SRPK2: variants seen among roughly 807,000 people sequenced by gnomAD.
The protein encoded by SRPK2 is SFRS protein kinase 2.
SRPK2 carries 21 observed loss-of-function variants against 90.8 expected under a neutral mutation model. That is an observed-to-expected ratio of 0.23 (90% CI 0.16 to 0.33). The LOEUF is 0.33. Among genes scored for constraint, SRPK2 ranks in the 10% least tolerant of loss-of-function variants. SRPK2 has a pLI of 1.00. For synonymous variants in SRPK2, 288 were observed against 311.1 expected (o/e 0.93, Z 0.78); for missense variants, 620 against 869.0 (o/e 0.71, Z 3.60).
chr7:105,170,931 AAAG>A (rs59546851), intron 3 of SRPK2, among the ~76,000 whole-genome samples: 933 of 48,538 alleles, frequency 0.019, 37 homozygotes, highest in Middle Eastern at 0.028. Context: ...AGAAAAAGAA[AAAG>A]GAAAGAAAGA....
At chr7:105,141,909 CAG>C in intron 11 of SRPK2, 97 bp downstream of exon 11, 2 of 1,377,880 alleles carry the variant, frequency 1.5e-6, no homozygotes, top group Non-Finnish European at 2.0e-6. Flanking sequence ...TACACACACA[CAG>C]GGCTTGGCCA....
chr7:105,298,674 A>G, intron 2 of SRPK2: 1 of 957,696 alleles, frequency 1.0e-6, no homozygotes, highest in Non-Finnish European at 1.2e-6. Flanking sequence ...AGCATGGCTC[A>G]GATTATACTG....
intron 2 of SRPK2, among the ~76,000 whole-genome samples, chr7:105,323,967 T>TGTGTGTGTGTG (rs1813232169): frequency 2.9e-4 from 39 of 133,896 alleles, no homozygotes; most frequent in African/African-American, 1.0e-3. Flanking sequence ...AGACTATTCT[T>TGTGTGTGTGTG]TGTGTGTGTG....
chr7:105,170,934 GGAAAGAAA>G lies in SRPK2; in HGVS notation c.230-1677_230-1670del, dbSNP rs1554435876. ...AAGAAAGGAGAAAGAAAAAGAAAAA[GGAAAGAAA>G]GAAAGAAAGAAAGAAAGAAAGAAAG... On this transcript the variant is annotated intron_variant, in intron 3 of 15. Transcript: ENST00000393651. Among the ~76,000 whole-genome samples, 68 of 29,152 alleles carry G rather than the reference GGAAAGAAA, an allele frequency of 2.3e-3. 3 individuals carry two copies. Among genetic ancestry groups the G allele is most frequent in the Admixed American group, 4.7e-3 (11 of 2,326 alleles). The allele number at this position is 29,152 out of a possible 152,430, so 19.1% of individuals were successfully genotyped here.
intron 2 of SRPK2, among the ~76,000 whole-genome samples, chr7:105,234,221 T>A (rs1420289580): frequency 6.6e-6 from 1 of 152,198 alleles, no homozygotes; most frequent in African/African-American, 2.4e-5. Context: ...ATACTAGTAG[T>A]TGCCACTGGA....
At chr7:105,371,931 G>A (rs749124780) in intron 2 of SRPK2, among the ~76,000 whole-genome samples, 7 of 151,946 alleles carry the variant, frequency 4.6e-5, no homozygotes, top group Admixed American at 3.9e-4. Context: ...TCAGGAGATC[G>A]AGACCATTCT....
At chr7:105,313,642 T>C (rs777306090) in intron 2 of SRPK2, among the ~76,000 whole-genome samples, 7 of 151,674 alleles carry the variant, frequency 4.6e-5, no homozygotes, top group Non-Finnish European at 1.0e-4. Flanking sequence ...TCCCAGCTAC[T>C]TGGGAGGCTG....
intron 2 of SRPK2, among the ~76,000 whole-genome samples, chr7:105,337,818 T>C (rs149621603): frequency 1.8e-3 from 267 of 152,276 alleles, no homozygotes; most frequent in African/African-American, 6.0e-3. Context: ...ACCCAGTCTA[T>C]GGTATTTTGT....
chr7:105,157,907 A>C (rs1806771876), intron 7 of SRPK2, among the ~76,000 whole-genome samples: 1 of 152,132 alleles, frequency 6.6e-6, no homozygotes, highest in Admixed American at 6.6e-5. Flanking sequence ...GTCTCTACAA[A>C]AAAATAAAAA....
chr7:105,374,349 T>G (rs1187186164), intron 2 of SRPK2, among the ~76,000 whole-genome samples: 1 of 152,218 alleles, frequency 6.6e-6, no homozygotes, highest in African/African-American at 2.4e-5. Context: ...CTACTCCTGC[T>G]GATTCTTCTT....
At chr7:105,285,574 C>G (rs6954692) in intron 2 of SRPK2, among the ~76,000 whole-genome samples, 66,033 of 151,864 alleles carry the variant, frequency 0.43, 15,696 homozygotes, top group South Asian at 0.53. Context: ...GTGGGGCCTG[C>G]TGGGAGGTGT....
At chr7:105,258,798 T>C (rs962800082) in intron 2 of SRPK2, among the ~76,000 whole-genome samples, 6 of 152,136 alleles carry the variant, frequency 3.9e-5, no homozygotes, top group Non-Finnish European at 8.8e-5. Flanking sequence ...CATGATTATC[T>C]CGATAGATGC....
chr7:105,379,597 G>A (rs1820705990), intron 2 of SRPK2, among the ~76,000 whole-genome samples: 1 of 152,212 alleles, frequency 6.6e-6, no homozygotes, highest in Non-Finnish European at 1.5e-5. Flanking sequence ...AACTTATGGA[G>A]CATTGAAGGG....
At chr7:105,129,753 C>T (rs1032556151) in intron 13 of SRPK2, among the ~76,000 whole-genome samples, 2 of 152,182 alleles carry the variant, frequency 1.3e-5, no homozygotes, top group Admixed American at 1.3e-4. Flanking sequence ...CCTCAAAGGG[C>T]TCTTCCCTGG....
At chr7:105,306,268 C>CTTTT (rs1811131544) in intron 2 of SRPK2, 1 of 232,872 alleles carries the variant, frequency 4.3e-6, no homozygotes, top group Non-Finnish European at 8.7e-6. Context: ...AAAAGACACA[C>CTTTT]CATAATCTTT....
chr7:105,324,890 A>C (rs1186271601), intron 2 of SRPK2, among the ~76,000 whole-genome samples: 1 of 152,222 alleles, frequency 6.6e-6, no homozygotes, highest in African/African-American at 2.4e-5. Flanking sequence ...GTCTCAAAAA[A>C]TAAAAATTAA....
At chr7:105,351,507 A>T (rs1427005402) in intron 2 of SRPK2, among the ~76,000 whole-genome samples, 1 of 151,376 alleles carries the variant, frequency 6.6e-6, no homozygotes, top group Non-Finnish European at 1.5e-5. Flanking sequence ...TAATAATAAT[A>T]ATAATAAATC....
At chr7:105,192,970 T>C (rs1407886759) in intron 3 of SRPK2, among the ~76,000 whole-genome samples, 1 of 152,252 alleles carries the variant, frequency 6.6e-6, no homozygotes, top group Non-Finnish European at 1.5e-5. Flanking sequence ...TTGTGAAGAT[T>C]TTCTCCTACG....
At chr7:105,176,731 ATGTATGTATGTGTG>A (rs1791981041) in intron 3 of SRPK2, among the ~76,000 whole-genome samples, 1 of 125,212 alleles carries the variant, frequency 8.0e-6, no homozygotes, top group African/African-American at 3.0e-5. Context: ...GTGTGTATGT[ATGTATGTATGTGTG>A]TATATGTGTG....
Sources: gnomAD v4.1 joint callset for allele counts (sites outside exome capture counted in the v4.1 genomes callset) on GRCh38, gnomAD v4.1.1 for gene constraint, MANE v1.5 for transcripts, NCBI Gene and HGNC (gene_info 2026-07-23, HGNC 2026-07-21) for gene names.